UNC80: variants seen among roughly 807,000 people sequenced by gnomAD.
UNC80 encodes the protein unc-80 subunit of NALCN channel complex, also known as protein unc-80 homolog.
In UNC80, 164 loss-of-function variants were observed where a neutral mutation model predicts 384.6. That is an observed-to-expected ratio of 0.43 (90% CI 0.38 to 0.49). The LOEUF is 0.49. Among genes scored for constraint, UNC80 ranks in the 20% least tolerant of loss-of-function variants. UNC80 has a pLI of 0.00. For synonymous variants in UNC80, 1,486 were observed against 1,527.8 expected (o/e 0.97, Z 0.64); for missense variants, 3,330 against 4,143.0 (o/e 0.80, Z 5.39).
intron 23 of UNC80, among the ~76,000 whole-genome samples, chr2:209,873,471 G>A (rs1429438170): frequency 6.6e-6 from 1 of 152,066 alleles, no homozygotes; most frequent in East Asian, 1.9e-4. Flanking sequence ...AAAGCCTTTG[G>A]AAATTGCACT....
intron 19 of UNC80, among the ~76,000 whole-genome samples, chr2:209,840,185 G>C (rs1259405383): frequency 6.6e-6 from 1 of 151,924 alleles, no homozygotes; most frequent in African/African-American, 2.4e-5. Context: ...TAGTAGGTGA[G>C]GTATAAGTAA....
At chr2:209,844,785 G>C (rs183433163) in intron 21 of UNC80, among the ~76,000 whole-genome samples, 1 of 147,728 alleles carries the variant, frequency 6.8e-6, no homozygotes, top group Non-Finnish European at 1.5e-5. Flanking sequence ...GTAGAGATGG[G>C]GGTGGGGGGA....
chr2:209,920,830 CTTT>C (rs869121048), intron 33 of UNC80, among the ~76,000 whole-genome samples: 13 of 142,662 alleles, frequency 9.1e-5, no homozygotes, highest in Admixed American at 1.4e-4. Flanking sequence ...AAATGTTCTT[CTTT>C]TTTTTTTTTT....
At chr2:209,935,846 A>G in intron 40 of UNC80, 38 bp downstream of exon 40, 1 of 1,260,868 alleles carries the variant, frequency 7.9e-7, no homozygotes, top group Non-Finnish European at 1.1e-6. Flanking sequence ...TTTTAAGGAC[A>G]ATGCTATGGC....
chr2:209,887,241 G>A (rs1208864850), intron 25 of UNC80, among the ~76,000 whole-genome samples: 2 of 151,820 alleles, frequency 1.3e-5, no homozygotes, highest in Admixed American at 1.3e-4. Flanking sequence ...TTTTCTCGAT[G>A]TTGGTCAGGC....
chr2:209,810,681 C>T (rs1029452489), intron 7 of UNC80, among the ~76,000 whole-genome samples: 3 of 152,106 alleles, frequency 2.0e-5, no homozygotes, highest in African/African-American at 7.2e-5. Context: ...TAACTAGAAA[C>T]ATTTGGGGAC....
intron 22 of UNC80, among the ~76,000 whole-genome samples, chr2:209,871,414 A>G (rs1327138075): frequency 6.6e-6 from 1 of 152,150 alleles, no homozygotes; most frequent in Admixed American, 6.5e-5. Context: ...GATCACAGGG[A>G]TGTTATATAT....
chr2:209,790,386 G>A (rs1223476892), intron 6 of UNC80, among the ~76,000 whole-genome samples: 2 of 152,152 alleles, frequency 1.3e-5, no homozygotes, highest in African/African-American at 4.8e-5. Context: ...GGAAATTTTG[G>A]AGTCCTATTA....
intron 23 of UNC80, 127 bp from the exon 24 acceptor site, chr2:209,877,827 C>A: frequency 1.9e-6 from 2 of 1,037,392 alleles, no homozygotes; most frequent in Non-Finnish European, 2.6e-6. Context: ...AACACTGTGG[C>A]ATACAGAAGA....
At chr2:209,808,767 T>A in intron 7 of UNC80, 1 of 59,210 alleles carries the variant, frequency 1.7e-5, no homozygotes, top group East Asian at 1.0e-3. Flanking sequence ...CCTGCGCTAC[T>A]TCTGCGCTAC....
chr2:209,816,923 A>C lies in UNC80; in HGVS notation c.1350A>C (p.Lys450Asn), dbSNP rs906114993. ...MNIFKKFKSR[K>N]EDRERKGSIP... is the part of the protein sequence containing the mutation. ...CATCACTGTAGTTCAAGAGCCGCAA[A>C]GAAGACCGAGAGAGGAAAGGCTCCA... Residue 450 changes from lysine (K) to asparagine (N), a missense_variant, in exon 10 of 65, where the codon AAA (lysine) becomes AAC (asparagine). This residue lies in a region of UNC80 where 937 missense variants were observed against 1,026.8 expected (regional missense o/e 0.91). Transcript: ENST00000673920. The C allele has an allele frequency of 1.9e-6, 3 of 1,551,594 alleles. No individual in the cohort carries two copies. The highest frequency in any genetic ancestry group is 2.6e-6 in the Non-Finnish European group (3 of 1,147,020).
intron 49 of UNC80, among the ~76,000 whole-genome samples, chr2:209,958,215 T>C (rs1308275754): frequency 6.6e-6 from 1 of 152,196 alleles, no homozygotes; most frequent in Admixed American, 6.5e-5. Flanking sequence ...TCTCTTGTTG[T>C]GGTGTAACTC....
intron 38 of UNC80, among the ~76,000 whole-genome samples, chr2:209,931,677 C>A (rs936108933): frequency 5.3e-5 from 8 of 152,308 alleles, no homozygotes; most frequent in African/African-American, 1.9e-4. Context: ...TTCAGTTATC[C>A]ATATGCATAT....
chr2:209,807,189 A>G (rs1559121365), intron 7 of UNC80, among the ~76,000 whole-genome samples: 2 of 152,146 alleles, frequency 1.3e-5, no homozygotes, highest in South Asian at 2.1e-4. Context: ...AACTTTTTAT[A>G]TATGTGCTTT....
chr2:209,941,983 C>G (rs1049247209), intron 44 of UNC80, among the ~76,000 whole-genome samples: 1 of 152,176 alleles, frequency 6.6e-6, no homozygotes, highest in African/African-American at 2.4e-5. Context: ...ATCAGAAACT[C>G]AGGGATCAGG....
At chr2:209,811,626 A>G (rs969387169) in intron 7 of UNC80, among the ~76,000 whole-genome samples, 35 of 152,342 alleles carry the variant, frequency 2.3e-4, no homozygotes, top group African/African-American at 7.0e-4. Context: ...CATAGCATAT[A>G]CGGGAATTTA....
intron 23 of UNC80, among the ~76,000 whole-genome samples, chr2:209,874,652 A>G (rs2084618383): frequency 6.6e-6 from 1 of 152,126 alleles, no homozygotes; most frequent in African/African-American, 2.4e-5. Context: ...CCTCGTCATA[A>G]ACAGATATTC....
At chr2:209,907,657 G>A (rs890323343) in intron 29 of UNC80, among the ~76,000 whole-genome samples, 5 of 152,160 alleles carry the variant, frequency 3.3e-5, no homozygotes, top group Non-Finnish European at 7.4e-5. Flanking sequence ...AGACCATGTG[G>A]GACCATGGGA....
intron 21 of UNC80, among the ~76,000 whole-genome samples, chr2:209,846,689 A>T (rs543357845): frequency 6.2e-4 from 94 of 152,276 alleles, no homozygotes; most frequent in Non-Finnish European, 1.2e-3. Flanking sequence ...TAAAAAATAA[A>T]TATTAAACAA....
Sources: allele counts gnomAD v4.1 joint callset (sites outside exome capture counted in the v4.1 genomes callset), GRCh38; gene constraint gnomAD v4.1.1; regional missense constraint gnomAD v4.1.1; transcripts MANE v1.5; gene names NCBI Gene and HGNC (gene_info 2026-07-23, HGNC 2026-07-21).